Variants in BAG1 observed in about 807,000 individuals in gnomAD.
BAG1 encodes the protein BAG family molecular chaperone regulator 1.
BAG1 carries 35 observed loss-of-function variants against 35.5 expected under a neutral mutation model. The observed-to-expected ratio is 0.99, with a 90% CI of 0.75 to 1.31. BAG1 has a LOEUF of 1.31. Among genes scored for constraint, BAG1 ranks in the 50% most tolerant of loss-of-function variants. The probability of loss-of-function intolerance (pLI) is 0.00; values close to 1 mark genes in which losing one functional copy is unlikely to be tolerated. For missense variants in BAG1, 464 were observed against 453.6 expected, an observed-to-expected ratio of 1.02 and a Z score of -0.21; for synonymous variants, 191 against 178.9, an observed-to-expected ratio of 1.07 and a Z score of -0.54.
At chr9:33,256,665 G>T in intron 5 of BAG1, 136 bp downstream of exon 5, 1 of 698,128 alleles carries the variant, frequency 1.4e-6, no homozygotes, top group African/African-American at 1.8e-5. Flanking sequence ...AACATGACTG[G>T]CACACAATAG....
intron 5 of BAG1, among the ~76,000 whole-genome samples, chr9:33,256,394 G>A (rs766295035): frequency 6.6e-6 from 1 of 152,172 alleles, no homozygotes; most frequent in Non-Finnish European, 1.5e-5. Context: ...GATTTTCAAT[G>A]GCCTCACATG....
chr9:33,257,007 C>A, intron 4 of BAG1, 99 bp from the exon 5 acceptor site: 1 of 861,102 alleles, frequency 1.2e-6, no homozygotes. Context: ...CCCACCATAG[C>A]CCTGGCAGGC....
chr9:33,262,535 T>G (rs1489024070), intron 2 of BAG1, among the ~76,000 whole-genome samples, 167 bp downstream of exon 2: 1 of 151,988 alleles, frequency 6.6e-6, no homozygotes, highest in East Asian at 1.9e-4. Flanking sequence ...TATGCACCTG[T>G]AATCCCAGCT....
At chr9:33,262,372 C>A in intron 2 of BAG1, 2 of 1,157,172 alleles carry the variant, frequency 1.7e-6, no homozygotes, top group East Asian at 1.1e-4. Context: ...AATGCTTACC[C>A]TTGGCCAGGT....
At chr9:33,260,373 C>T (rs930835276) in intron 3 of BAG1, 3 of 152,238 alleles carry the variant, frequency 2.0e-5, no homozygotes, top group African/African-American at 7.2e-5. Context: ...GTTATGCTAT[C>T]CCAAATTATT....
intron 1 of BAG1, 51 bp downstream of exon 1, chr9:33,264,173 C>A (rs769047144): frequency 2.0e-6 from 3 of 1,532,822 alleles, no homozygotes; most frequent in Non-Finnish European, 2.6e-6. Context: ...CCCACAGACC[C>A]CGCCGGGCTT....
At chr9:33,257,135 GC>G in intron 4 of BAG1, 1 of 484,438 alleles carries the variant, frequency 2.1e-6, no homozygotes, top group Non-Finnish European at 3.6e-6. Context: ...ACCCACTGTG[GC>G]TGCAAATGCC....
In BAG1 at chr9:33,253,270, T is replaced by C. The variant is rs1437612693; in HGVS notation, c.*1949A>G. The C allele has an allele frequency of 6.6e-6, 1 of 152,244 alleles. No individual in the cohort carries two copies. Among genetic ancestry groups the C allele is most frequent in the East Asian group, 1.9e-4 (1 of 5,198 alleles). 9.4% of individuals were successfully genotyped at this position (152,244 alleles called of 1,614,324 possible). A position where few individuals can be genotyped will look rare whatever the true frequency, so the allele number is the denominator to read the frequency against. Reference sequence around the variant, plus strand: ...CAGTAGAGGGGAAAAGCACTGGCTCTGAAACCAAACCACCCAGCTTTGTGT... The same window carrying C: ...CAGTAGAGGGGAAAAGCACTGGCTCCGAAACCAAACCACCCAGCTTTGTGT... On this transcript the variant is annotated 3_prime_UTR_variant, in exon 7 of 7. Transcript: ENST00000634734.
chr9:33,254,952 G>A lies in BAG1; in HGVS notation c.*267C>T. On this transcript the variant is annotated 3_prime_UTR_variant, in exon 7 of 7. Coordinates refer to ENST00000634734, the MANE Select transcript of BAG1 (RefSeq NM_004323.6). ...AAAGCACCCAGAGGTCCAAACAGCTGGGAAAATTTGGGCAGAGGTGGCCCT... is the reference window on the plus strand; with the variant it reads ...AAAGCACCCAGAGGTCCAAACAGCTAGGAAAATTTGGGCAGAGGTGGCCCT... The A allele has an allele frequency of 8.2e-6, 11 of 1,337,884 alleles. No homozygotes were observed. Among genetic ancestry groups the A allele is most frequent in the Non-Finnish European group, 1.1e-5 (11 of 1,006,668 alleles). 82.9% of individuals were successfully genotyped at this position (1,337,884 alleles called of 1,614,324 possible). A position where few individuals can be genotyped will look rare whatever the true frequency, so the allele number is the denominator to read the frequency against.
intron 6 of BAG1, among the ~76,000 whole-genome samples, 189 bp from the exon 7 acceptor site, chr9:33,255,497 T>G (rs1314458821): frequency 6.6e-6 from 1 of 152,238 alleles, no homozygotes; most frequent in East Asian, 1.9e-4. Flanking sequence ...ACCAGCATTC[T>G]GACCATGCTC....
chr9:33,262,328 C>A lies in BAG1; in HGVS notation c.580+374G>T, dbSNP rs1198540554. The A allele has an allele frequency of 3.5e-5, 43 of 1,223,564 alleles. No individual in the cohort carries two copies. The Admixed American group carries it at 1.3e-3, about 36-fold the overall frequency. 75.8% of individuals were successfully genotyped at this position (1,223,564 alleles called of 1,614,324 possible). ...TAGGAAAAGTTCAGCAGTTTTAAAA[C>A]TGTCCTTTGGCCATAAGGAAAAGCC... On this transcript the variant is annotated intron_variant, in intron 2 of 6. Transcript: ENST00000634734.
chr9:33,263,359 A>G (rs1820621109), intron 1 of BAG1, among the ~76,000 whole-genome samples: 2 of 152,220 alleles, frequency 1.3e-5, no homozygotes, highest in South Asian at 4.1e-4. Flanking sequence ...CTCCCACTGA[A>G]CACACTTGAG....
intron 3 of BAG1, chr9:33,260,518 ATGCTCATAATTCTGCTGTGT>A (rs1564080559): frequency 6.6e-6 from 1 of 152,164 alleles, no homozygotes; most frequent in East Asian, 1.9e-4. Context: ...GGAACTTCAT[ATGCTCATAATTCTGCTGTGT>A]CACAATGCAG....
Position 33,256,881 on chromosome 9 carries a change from C to T in BAG1, c.805G>A (p.Glu269Lys), listed in dbSNP as rs1302877198. Reference sequence around the variant, plus strand: ...CTCCTATCAAGTTTGCAGAGAGCTTCAGCTTGCAAATCCTTGGGCAGAAAA... The same window carrying T: ...CTCCTATCAAGTTTGCAGAGAGCTTTAGCTTGCAAATCCTTGGGCAGAAAA... The change falls in exon 5 of 7, where the codon GAA becomes AAA. Residue 269 changes from glutamate to lysine, a missense_variant. Coordinates refer to ENST00000634734, the MANE Select transcript of BAG1 (RefSeq NM_004323.6). 4 of 1,614,080 alleles carry T rather than the reference C, an allele frequency of 2.5e-6. No individual in the cohort carries two copies. The African/African-American group carries it at 5.3e-5, about 22-fold the overall frequency.
chr9:33,257,821 G>GTT (rs1181636822), intron 4 of BAG1: 1 of 152,172 alleles, frequency 6.6e-6, no homozygotes, highest in Non-Finnish European at 1.5e-5. Flanking sequence ...TAAAAGAATA[G>GTT]TTTATAAAGT....
intron 6 of BAG1, 86 bp downstream of exon 6, chr9:33,255,779 C>A: frequency 6.9e-7 from 1 of 1,458,676 alleles, no homozygotes; most frequent in South Asian, 1.1e-5. Context: ...ACACCACGCT[C>A]CTACACTACC....
intron 4 of BAG1, among the ~76,000 whole-genome samples, chr9:33,258,564 A>G (rs918007039): frequency 9.9e-5 from 15 of 152,212 alleles, no homozygotes; most frequent in Admixed American, 9.8e-4. Context: ...TACTTGTTCT[A>G]TTTCAGACAA....
intron 3 of BAG1, 76 bp downstream of exon 3, chr9:33,261,011 G>C (rs1820556776): frequency 3.2e-6 from 4 of 1,255,128 alleles, no homozygotes; most frequent in Non-Finnish European, 4.5e-6. Context: ...CCCCAGTTTG[G>C]TCTTCTAAAC....
chr9:33,259,027 G>T lies in BAG1; in HGVS notation c.670C>A (p.Pro224Thr). The change falls in exon 4 of 7, where the codon CCA (proline) becomes ACA (threonine). Residue 224 changes from proline (P) to threonine (T), a missense_variant. Transcript: ENST00000634734. ...TTCTTTAGTTCAACCTCTTCCTGTG[G>T]ACTGTTCTAAAATGTTTAAGAAGAA... The T allele has an allele frequency of 6.2e-7, 1 of 1,613,272 alleles. No individual in the cohort carries two copies. The highest frequency in any genetic ancestry group is 1.7e-5 in the Admixed American group (1 of 60,002).
Sources: gnomAD v4.1 joint callset for allele counts (sites outside exome capture counted in the v4.1 genomes callset) on GRCh38, gnomAD v4.1.1 for gene constraint, MANE v1.5 for transcripts, NCBI Gene and HGNC (gene_info 2026-07-23, HGNC 2026-07-21) for gene names.